Variants in ARHGAP15 observed in about 807,000 individuals in gnomAD.
ARHGAP15 encodes Rho GTPase activating protein 15.
Under a neutral mutation model 63.7 loss-of-function variants are expected in ARHGAP15, and 51 were observed. That is an observed-to-expected ratio of 0.80 (90% CI 0.64 to 1.01). ARHGAP15 has a LOEUF of 1.01. Ranked by LOEUF, ARHGAP15 falls within the 50% of genes least tolerant of loss-of-function variation. The probability of loss-of-function intolerance (pLI) is 0.00; values close to 1 mark genes in which losing one functional copy is unlikely to be tolerated. For synonymous variants in ARHGAP15, 191 were observed against 193.8 expected (o/e 0.99, Z 0.12); for missense variants, 560 against 564.6 (o/e 0.99, Z 0.08).
intron 13 of ARHGAP15, among the ~76,000 whole-genome samples, chr2:143,717,279 G>A (rs989164743): frequency 8.5e-5 from 13 of 152,188 alleles, no homozygotes; most frequent in Non-Finnish European, 1.5e-4. Flanking sequence ...GTTGTCTCTC[G>A]GTCTGTCACG....
chr2:143,270,104 C>T (rs1252348052), intron 6 of ARHGAP15, among the ~76,000 whole-genome samples: 1 of 152,078 alleles, frequency 6.6e-6, no homozygotes, highest in African/African-American at 2.4e-5. Context: ...TCCTGAGTAA[C>T]TGGGACTACA....
chr2:143,245,334 G>T (rs1384927488), intron 5 of ARHGAP15, among the ~76,000 whole-genome samples: 2 of 152,130 alleles, frequency 1.3e-5, no homozygotes, highest in African/African-American at 4.8e-5. Flanking sequence ...GAAACAAGAG[G>T]GCTCTAAGGA....
chr2:143,323,824 C>T (rs1009502625), intron 6 of ARHGAP15, among the ~76,000 whole-genome samples: 18 of 126,106 alleles, frequency 1.4e-4, no homozygotes, highest in Admixed American at 2.8e-4. Context: ...ACCCGGGAAG[C>T]GGAGCTTGCA....
At chr2:143,720,182 G>A (rs7606067) in intron 13 of ARHGAP15, among the ~76,000 whole-genome samples, 72,948 of 151,916 alleles carry the variant, frequency 0.48, 18,594 homozygotes, top group East Asian at 0.62. Context: ...CGTTTTGTTC[G>A]TCATGAATGC....
At chr2:143,200,350 T>A (rs888869997) in intron 2 of ARHGAP15, among the ~76,000 whole-genome samples, 2 of 151,724 alleles carry the variant, frequency 1.3e-5, no homozygotes, top group African/African-American at 4.8e-5. Flanking sequence ...TATAGAGTCG[T>A]GGAATTTTTT....
chr2:143,191,687 G>A lies in ARHGAP15; in HGVS notation c.166-10447G>A, dbSNP rs189717258. ...ACTTTGATAGCTAAATCATACCACA[G>A]CAATCAGATTAATGAGTTTTGGATC... is the stretch of plus-strand genomic sequence containing the variant. On this transcript the variant is annotated intron_variant, in intron 2 of 13. Transcript: ENST00000295095. Among the ~76,000 whole-genome samples, 9 of 152,302 alleles carry A rather than the reference G, an allele frequency of 5.9e-5. No individual in the cohort carries two copies. In the East Asian group the frequency reaches 1.7e-3, roughly 29 times the overall value.
chr2:143,468,663 A>AGAGTGTGT lies in ARHGAP15; in HGVS notation c.704-18709_704-18708insAGTGTGTG, dbSNP rs764115175. On this transcript the variant is annotated intron_variant, in intron 8 of 13. Coordinates refer to ENST00000295095, the MANE Select transcript of ARHGAP15 (RefSeq NM_018460.4). ...GAGAGAGAGAGAGAGAGAGAGAGAG[A>AGAGTGTGT]GTGTGTGTGTGTGTGTGTGTGTGTT... Among the ~76,000 whole-genome samples the AGAGTGTGT allele has an allele frequency of 5.8e-4, 79 of 136,324 alleles. No individual in the cohort carries two copies. The East Asian group carries it at 0.011, about 18-fold the overall frequency. The allele number at this position is 136,324 out of a possible 152,430, so 89.4% of individuals were successfully genotyped here.
intron 11 of ARHGAP15, chr2:143,571,865 T>A (rs776182656): frequency 6.6e-6 from 1 of 152,188 alleles, no homozygotes; most frequent in South Asian, 2.1e-4. Flanking sequence ...TGTATGCGTA[T>A]TATTATTTGA....
intron 6 of ARHGAP15, among the ~76,000 whole-genome samples, chr2:143,428,570 T>C (rs1327493143): frequency 6.6e-6 from 1 of 151,962 alleles, no homozygotes; most frequent in Non-Finnish European, 1.5e-5. Flanking sequence ...GAGATGATGG[T>C]AGTATATATA....
At chr2:143,445,793 C>T (rs1272257519) in intron 8 of ARHGAP15, among the ~76,000 whole-genome samples, 1 of 152,114 alleles carries the variant, frequency 6.6e-6, no homozygotes, top group Non-Finnish European at 1.5e-5. Flanking sequence ...GTTATTCTTG[C>T]AGCTCTTCTG....
intron 12 of ARHGAP15, among the ~76,000 whole-genome samples, chr2:143,659,455 G>GT (rs1681631891): frequency 6.6e-6 from 1 of 152,154 alleles, no homozygotes; most frequent in Non-Finnish European, 1.5e-5. Context: ...GCTTATGGTA[G>GT]TTTGTGTGAT....
At chr2:143,398,379 G>C (rs1687860929) in intron 6 of ARHGAP15, among the ~76,000 whole-genome samples, 1 of 152,122 alleles carries the variant, frequency 6.6e-6, no homozygotes, top group African/African-American at 2.4e-5. Context: ...AACTCCGCTT[G>C]TTGTAAATGC....
intron 12 of ARHGAP15, among the ~76,000 whole-genome samples, chr2:143,634,101 C>G (rs527430500): frequency 6.6e-6 from 1 of 152,108 alleles, no homozygotes; most frequent in East Asian, 1.9e-4. Flanking sequence ...TCTGGTCACC[C>G]ACAAGGTCTC....
intron 6 of ARHGAP15, among the ~76,000 whole-genome samples, chr2:143,271,085 A>G (rs540966279): frequency 6.6e-6 from 1 of 152,312 alleles, no homozygotes; most frequent in East Asian, 1.9e-4. Flanking sequence ...TGTATTAGAA[A>G]TTGAAGTTTC....
chr2:143,557,184 A>C (rs970143983), intron 11 of ARHGAP15, among the ~76,000 whole-genome samples: 1 of 152,140 alleles, frequency 6.6e-6, no homozygotes, highest in Non-Finnish European at 1.5e-5. Context: ...ACAAAAACCT[A>C]TACACAAATA....
In ARHGAP15 at chr2:143,228,679, C is replaced by T; in HGVS notation, c.384+11C>T. Reference sequence around the variant, plus strand: ...GCTCTGTCCAATATGGTAAGTAATTCTCTGTTTCTATTGTTAAATATCTTT... The same window carrying T: ...GCTCTGTCCAATATGGTAAGTAATTTTCTGTTTCTATTGTTAAATATCTTT... On this transcript the variant is annotated intron_variant, in intron 5 of 13. Transcript: ENST00000295095. 2 of 1,513,322 alleles carry T rather than the reference C, an allele frequency of 1.3e-6. No individual in the cohort carries two copies. Among genetic ancestry groups the T allele is most frequent in the Non-Finnish European group, 1.8e-6 (2 of 1,123,322 alleles). 93.7% of individuals were successfully genotyped at this position (1,513,322 alleles called of 1,614,324 possible). A position where few individuals can be genotyped will look rare whatever the true frequency, so the allele number is the denominator to read the frequency against.
At chr2:143,352,886 A>T (rs1181869922) in intron 6 of ARHGAP15, among the ~76,000 whole-genome samples, 1 of 152,190 alleles carries the variant, frequency 6.6e-6, no homozygotes, top group Non-Finnish European at 1.5e-5. Flanking sequence ...AGTTGTAAAT[A>T]AATCTTTCTT....
intron 10 of ARHGAP15, among the ~76,000 whole-genome samples, chr2:143,549,835 C>T (rs1392404111): frequency 3.3e-5 from 5 of 152,170 alleles, no homozygotes; most frequent in African/African-American, 4.8e-5. Flanking sequence ...GAACCCCTGG[C>T]CTATTGTCTA....
chr2:143,346,204 A>ACACACACTCTCTCT lies in ARHGAP15; in HGVS notation c.475-89390_475-89389insTCTCTCTCACACAC, dbSNP rs1558909534. 5.3e-3 allele frequency among the ~76,000 whole-genome samples: 761 copies of ACACACACTCTCTCT among 144,732 alleles called. 5 individuals are homozygous for ACACACACTCTCTCT. The highest frequency in any genetic ancestry group is 0.016 in the African/African-American group (597 of 36,774). The allele number at this position is 144,732 out of a possible 152,430, so 94.9% of individuals were successfully genotyped here. A position where few individuals can be genotyped will look rare whatever the true frequency, so the allele number is the denominator to read the frequency against. On this transcript the variant is annotated intron_variant, in intron 6 of 13. Transcript: ENST00000295095. ...CTCTCACACACACACTCTCTCTCTC[A>ACACACACTCTCTCT]CACACACACTCTCTCTCACACACAC... is the stretch of plus-strand genomic sequence containing the variant.
Sources: gnomAD v4.1 joint callset for allele counts (sites outside exome capture counted in the v4.1 genomes callset) on GRCh38, gnomAD v4.1.1 for gene constraint, MANE v1.5 for transcripts, NCBI Gene and HGNC (gene_info 2026-07-23, HGNC 2026-07-21) for gene names.